Variants in CYFIP1 observed in about 807,000 individuals in gnomAD.
CYFIP1 encodes cytoplasmic FMR1 interacting protein 1.
CYFIP1 carries 58 observed loss-of-function variants against 163.5 expected under a neutral mutation model. The observed-to-expected ratio is 0.35, with a 90% CI of 0.29 to 0.44. CYFIP1 has a LOEUF of 0.44. Among genes scored for constraint, CYFIP1 ranks in the 20% least tolerant of loss-of-function variants. CYFIP1 has a pLI of 1.00. For missense variants in CYFIP1, 1,338 were observed against 1,653.8 expected (o/e 0.81, Z 3.31); for synonymous variants, 663 against 660.7 (o/e 1.00, Z -0.05).
intron 1 of CYFIP1, among the ~76,000 whole-genome samples, chr15:22,970,715 G>A (rs781742861): frequency 2.0e-5 from 3 of 152,154 alleles, no homozygotes; most frequent in Non-Finnish European, 4.4e-5. Flanking sequence ...TCAACAAATT[G>A]TGTTAGGAAA....
Position 22,944,854 on chromosome 15 carries a change from C to T in CYFIP1, c.285+8G>A, listed in dbSNP as rs760845276. The T allele has an allele frequency of 1.3e-5, 21 of 1,612,894 alleles. No homozygotes were observed. Among genetic ancestry groups the T allele is most frequent in the South Asian group, 4.4e-5 (4 of 91,054 alleles). ...GGCTGGAGGGGAAGAGCCAGGCGAG[C>T]GTGGCACCTGTGGGATGGCCCGGGA... On this transcript the variant is annotated splice_region_variant and intron_variant, in intron 4 of 30. Coordinates refer to ENST00000617928, the MANE Select transcript of CYFIP1 (RefSeq NM_014608.6).
intron 12 of CYFIP1, among the ~76,000 whole-genome samples, chr15:22,926,747 G>A (rs139745247): frequency 2.0e-3 from 310 of 152,292 alleles, no homozygotes; most frequent in African/African-American, 5.7e-3. Flanking sequence ...GGCGTGAAGC[G>A]ACATTAATGG....
chr15:22,909,776 T>TG (rs2060720452), intron 20 of CYFIP1, among the ~76,000 whole-genome samples: 2 of 152,284 alleles, frequency 1.3e-5, no homozygotes, highest in South Asian at 4.1e-4. Context: ...TACATATTTA[T>TG]GGGGTACATG....
intron 1 of CYFIP1, among the ~76,000 whole-genome samples, chr15:22,953,653 A>G (rs2028794): frequency 0.22 from 33,784 of 152,196 alleles, 4,249 homozygotes; most frequent in Middle Eastern, 0.34. Flanking sequence ...ACCAGCCTTT[A>G]TAAGTGGCTG....
Position 22,869,012 on chromosome 15 carries a change from ACT to A in CYFIP1, c.*1014_*1015del, listed in dbSNP as rs1053930729. The A allele has an allele frequency of 3.3e-5, 5 of 152,046 alleles. No homozygotes were observed. Among genetic ancestry groups the A allele is most frequent in the Admixed American group, 6.6e-5 (1 of 15,266 alleles). The allele number at this position is 152,046 out of a possible 1,614,324, so 9.4% of individuals were successfully genotyped here. A position where few individuals can be genotyped will look rare whatever the true frequency, so the allele number is the denominator to read the frequency against. ...CTTTAGTTTCTCAAACATGTTCGTG[ACT>A]CTACTGGTAGTCTAGACCGATTGTT... On this transcript the variant is annotated 3_prime_UTR_variant, in exon 31 of 31. Coordinates refer to ENST00000617928, the MANE Select transcript of CYFIP1 (RefSeq NM_014608.6).
intron 22 of CYFIP1, among the ~76,000 whole-genome samples, chr15:22,902,001 C>T (rs1409734775): frequency 1.3e-5 from 2 of 152,212 alleles, no homozygotes; most frequent in East Asian, 3.8e-4. Flanking sequence ...GTGAATCACA[C>T]CTCAAGTGTC....
At chr15:22,904,326 G>A (rs2060499609) in intron 21 of CYFIP1, 2 of 258,432 alleles carry the variant, frequency 7.7e-6, no homozygotes, top group Admixed American at 5.0e-5. Context: ...AGGCACGTGT[G>A]GGTGGCAGGG....
intron 1 of CYFIP1, among the ~76,000 whole-genome samples, chr15:22,971,784 C>T (rs752259448): frequency 6.6e-6 from 1 of 152,240 alleles, no homozygotes; most frequent in Admixed American, 6.5e-5. Context: ...GTGGGAGGAT[C>T]GCTTGAGCCC....
Position 22,869,441 on chromosome 15 carries a change from T to G in CYFIP1, c.*587A>C, listed in dbSNP as rs1023836484. 2.0e-5 allele frequency: 3 copies of G among 152,096 alleles called. No homozygotes were observed. Among genetic ancestry groups the G allele is most frequent in the African/African-American group, 7.2e-5 (3 of 41,386 alleles). 9.4% of individuals were successfully genotyped at this position (152,096 alleles called of 1,614,324 possible). On this transcript the variant is annotated 3_prime_UTR_variant, in exon 31 of 31. Transcript: ENST00000617928. Reference sequence around the variant, plus strand: ...CCTTGCCAAGCCAGGCAGCACAGGGTTAGAGTAAATAAATGAACACAAATA... The same window carrying G: ...CCTTGCCAAGCCAGGCAGCACAGGGGTAGAGTAAATAAATGAACACAAATA...
chr15:22,954,427 G>A (rs2062372691), intron 1 of CYFIP1, among the ~76,000 whole-genome samples: 2 of 152,194 alleles, frequency 1.3e-5, no homozygotes, highest in Non-Finnish European at 2.9e-5. Context: ...GAACCCACAC[G>A]AGCTGGTATT....
At chr15:22,890,451 G>A (rs1018817692) in intron 23 of CYFIP1, among the ~76,000 whole-genome samples, 3 of 152,278 alleles carry the variant, frequency 2.0e-5, no homozygotes, top group East Asian at 1.9e-4. Context: ...CAGCTGTGGC[G>A]CACCCCTGCC....
intron 24 of CYFIP1, 50 bp from the exon 25 acceptor site, chr15:22,881,986 T>A: frequency 6.5e-7 from 1 of 1,541,428 alleles, no homozygotes; most frequent in Non-Finnish European, 8.9e-7. Flanking sequence ...TCCGCTCTGC[T>A]AACGCCTGTG....
intron 1 of CYFIP1, among the ~76,000 whole-genome samples, chr15:22,974,990 A>T (rs1216686617): frequency 6.6e-6 from 1 of 151,732 alleles, no homozygotes; most frequent in African/African-American, 2.4e-5. Context: ...TGGCCTGCTC[A>T]CTGTGAGCTT....
intron 23 of CYFIP1, among the ~76,000 whole-genome samples, chr15:22,883,863 C>CA (rs2059855389): frequency 6.6e-6 from 1 of 150,408 alleles, no homozygotes; most frequent in Non-Finnish European, 1.5e-5. Flanking sequence ...CTCACAGTTC[C>CA]ACATGGCTGG....
At chr15:22,932,393 G>A in intron 10 of CYFIP1, 53 bp from the exon 11 acceptor site, 2 of 1,329,964 alleles carry the variant, frequency 1.5e-6, no homozygotes, top group South Asian at 2.9e-5. Flanking sequence ...GCAGGCCACA[G>A]CACTGGGGCA....
intron 9 of CYFIP1, among the ~76,000 whole-genome samples, chr15:22,934,177 CTTTTTTTTTTTTTTT>C (rs1163626431): frequency 3.0e-5 from 2 of 66,162 alleles, no homozygotes; most frequent in East Asian, 5.4e-4. Flanking sequence ...GCATTTCTTT[CTTTTTTTTTTTTTTT>C]TTTTTTTTTT....
intron 23 of CYFIP1, among the ~76,000 whole-genome samples, chr15:22,885,403 C>T (rs188409577): frequency 1.3e-5 from 2 of 152,296 alleles, no homozygotes; most frequent in Admixed American, 6.5e-5. Context: ...TTAGCCTGCA[C>T]TTTATTGTCC....
At chr15:22,976,245 C>T (rs2063274205) in intron 1 of CYFIP1, among the ~76,000 whole-genome samples, 1 of 152,094 alleles carries the variant, frequency 6.6e-6, no homozygotes, top group South Asian at 2.1e-4. Flanking sequence ...ACAACCTCCG[C>T]CTCCCGGGTT....
chr15:22,897,146 G>A (rs1306019726), intron 22 of CYFIP1, among the ~76,000 whole-genome samples: 4 of 151,906 alleles, frequency 2.6e-5, no homozygotes, highest in Non-Finnish European at 4.4e-5. Flanking sequence ...CCAGGAGGCA[G>A]AAGTTGCAGT....
Sources: gnomAD v4.1 joint callset for allele counts (sites outside exome capture counted in the v4.1 genomes callset) on GRCh38, gnomAD v4.1.1 for gene constraint, MANE v1.5 for transcripts, NCBI Gene and HGNC (gene_info 2026-07-23, HGNC 2026-07-21) for gene names.